The following DLGAP1 variants were observed in gnomAD, a reference collection of about 807,000 sequenced individuals.
The protein encoded by DLGAP1 is disks large-associated protein 1.
DLGAP1 carries 11 observed loss-of-function variants against 90.8 expected under a neutral mutation model. The ratio of observed to expected loss-of-function variants is 0.12; its 90% CI spans 0.08 to 0.20. The LOEUF is 0.20. Among genes scored for constraint, DLGAP1 ranks in the 10% least tolerant of loss-of-function variants. DLGAP1 has a pLI of 1.00. For synonymous variants in DLGAP1, 558 were observed against 540.7 expected (o/e 1.03, Z -0.44); for missense variants, 1,050 against 1,333.8 (o/e 0.79, Z 3.31).
chr18:3,724,511 AG>A (rs2062087751), intron 7 of DLGAP1, among the ~76,000 whole-genome samples: 1 of 152,202 alleles, frequency 6.6e-6, no homozygotes, highest in Non-Finnish European at 1.5e-5. Flanking sequence ...TGGGAGGCCA[AG>A]GCGGGTGGAT....
intron 1 of DLGAP1, among the ~76,000 whole-genome samples, chr18:4,407,117 A>G (rs2082680220): frequency 6.6e-6 from 1 of 152,212 alleles, no homozygotes; most frequent in Admixed American, 6.5e-5. Flanking sequence ...TAGCCACAAA[A>G]CAATAACAGT....
intron 3 of DLGAP1, among the ~76,000 whole-genome samples, chr18:3,905,361 C>A (rs2071878063): frequency 6.2e-5 from 2 of 32,150 alleles, no homozygotes; most frequent in African/African-American, 7.8e-5. Context: ...AGTGAGACTC[C>A]ATCTCAAAAA....
At chr18:3,979,566 G>C (rs572259858) in intron 3 of DLGAP1, among the ~76,000 whole-genome samples, 2 of 152,234 alleles carry the variant, frequency 1.3e-5, no homozygotes, top group Non-Finnish European at 2.9e-5. Context: ...GAGAGGAGAC[G>C]AAGAGATAGG....
intron 3 of DLGAP1, among the ~76,000 whole-genome samples, chr18:3,993,358 C>G (rs2074006107): frequency 6.6e-6 from 1 of 152,128 alleles, no homozygotes; most frequent in Non-Finnish European, 1.5e-5. Context: ...AGCAAATTCT[C>G]ATTGATTTTA....
At chr18:4,186,890 T>A (rs1313886922) in intron 1 of DLGAP1, among the ~76,000 whole-genome samples, 1 of 152,150 alleles carries the variant, frequency 6.6e-6, no homozygotes, top group Non-Finnish European at 1.5e-5. Flanking sequence ...ATTCTTCCTA[T>A]CCACAAGCAT....
chr18:4,385,137 C>A (rs1598330422), intron 1 of DLGAP1, among the ~76,000 whole-genome samples: 1 of 152,146 alleles, frequency 6.6e-6, no homozygotes, highest in South Asian at 2.1e-4. Flanking sequence ...AGAAATAGAA[C>A]CCAGACTTAC....
At chr18:4,276,135 T>C (rs998150104) in intron 1 of DLGAP1, among the ~76,000 whole-genome samples, 20 of 144,360 alleles carry the variant, frequency 1.4e-4, no homozygotes, top group Admixed American at 5.7e-4. Flanking sequence ...ACCACTGATG[T>C]GTCTCTTTTT....
chr18:3,746,763 T>A (rs542140132), intron 5 of DLGAP1, among the ~76,000 whole-genome samples: 1 of 152,184 alleles, frequency 6.6e-6, no homozygotes, highest in East Asian at 1.9e-4. Flanking sequence ...ATGTGGATTT[T>A]AAAAAACATA....
intron 2 of DLGAP1, among the ~76,000 whole-genome samples, chr18:4,090,299 A>G (rs1444617373): frequency 6.6e-6 from 1 of 152,182 alleles, no homozygotes; most frequent in East Asian, 1.9e-4. Flanking sequence ...CTATCATCAG[A>G]GTGAACAGAC....
chr18:3,949,888 T>C (rs1292822591), intron 3 of DLGAP1, among the ~76,000 whole-genome samples: 1 of 152,220 alleles, frequency 6.6e-6, no homozygotes, highest in Non-Finnish European at 1.5e-5. Flanking sequence ...ACACCTTTTT[T>C]AGTCCACATG....
intron 1 of DLGAP1, among the ~76,000 whole-genome samples, chr18:4,341,199 A>T (rs117882483): frequency 0.019 from 2,958 of 151,826 alleles, 40 homozygotes; most frequent in Non-Finnish European, 0.028. Flanking sequence ...TATATATATA[A>T]AAAGAAAAAT....
intron 1 of DLGAP1, among the ~76,000 whole-genome samples, chr18:4,156,596 A>C (rs1439865326): frequency 6.6e-6 from 1 of 152,236 alleles, no homozygotes; most frequent in Non-Finnish European, 1.5e-5. Context: ...TAAAATGTTG[A>C]TAATCATACT....
At chr18:3,609,614 C>T (rs2057499853) in intron 7 of DLGAP1, among the ~76,000 whole-genome samples, 1 of 152,100 alleles carries the variant, frequency 6.6e-6, no homozygotes, top group African/African-American at 2.4e-5. Context: ...GATAACAGCA[C>T]CTATCTCATA....
In DLGAP1 at chr18:3,508,613, G is replaced by A; in HGVS notation, c.2528C>T (p.Ala843Val). The part of the protein sequence containing the change: ...TAVGSAQLLM[A>V]QKFYQFRELC... ...TTCTCTGAACTGGTAGAATTTCTGG[G>A]CCATGAGAAGTTGGGCACTGCCCAC... Residue 843 changes from alanine to valine, a missense_variant, in exon 11 of 13, where the codon GCC becomes GTC. This residue lies in a region of DLGAP1 where 565 missense variants were observed against 879.7 expected (regional missense o/e 0.64). Coordinates refer to ENST00000315677, the MANE Select transcript of DLGAP1 (RefSeq NM_004746.4). The A allele has an allele frequency of 8.7e-6, 14 of 1,613,788 alleles. No individual in the cohort carries two copies. The highest frequency in any genetic ancestry group is 1.2e-5 in the Non-Finnish European group (14 of 1,179,884).
At chr18:3,601,162 C>T (rs548722964) in intron 7 of DLGAP1, among the ~76,000 whole-genome samples, 1 of 151,996 alleles carries the variant, frequency 6.6e-6, no homozygotes, top group Admixed American at 6.6e-5. Context: ...TCTCAGCTCA[C>T]TGCAACCTCC....
chr18:4,066,558 C>A (rs964446294), intron 2 of DLGAP1, among the ~76,000 whole-genome samples: 1 of 151,996 alleles, frequency 6.6e-6, no homozygotes, highest in Non-Finnish European at 1.5e-5. Context: ...ATGGAGCCAA[C>A]AAGCATATGA....
intron 1 of DLGAP1, among the ~76,000 whole-genome samples, chr18:4,209,942 C>G (rs777734629): frequency 5.3e-5 from 8 of 152,182 alleles, no homozygotes; most frequent in Non-Finnish European, 8.8e-5. Context: ...CTGACTTCCA[C>G]TCTACTCCAA....
At chr18:4,380,607 G>C (rs530980382) in intron 1 of DLGAP1, among the ~76,000 whole-genome samples, 3 of 152,250 alleles carry the variant, frequency 2.0e-5, no homozygotes, top group African/African-American at 7.2e-5. Context: ...ATGGAGAATA[G>C]AATCTAATCT....
chr18:3,685,211 A>G (rs1390251586), intron 7 of DLGAP1, among the ~76,000 whole-genome samples: 2 of 152,204 alleles, frequency 1.3e-5, no homozygotes, highest in Non-Finnish European at 2.9e-5. Flanking sequence ...ACCAAGAGAA[A>G]GGAGCACGAC....
Sources: allele counts gnomAD v4.1 joint callset (sites outside exome capture counted in the v4.1 genomes callset), GRCh38; gene constraint gnomAD v4.1.1; regional missense constraint gnomAD v4.1.1; transcripts MANE v1.5; gene names NCBI Gene and HGNC (gene_info 2026-07-23, HGNC 2026-07-21).